The following TENM2 variants were observed in gnomAD, a reference collection of about 807,000 sequenced individuals.
The protein encoded by TENM2 is teneurin transmembrane protein 2, also known as teneurin-2.
Under a neutral mutation model 245.2 loss-of-function variants are expected in TENM2, and 52 were observed. The ratio of observed to expected loss-of-function variants is 0.21; its 90% CI spans 0.17 to 0.27. The LOEUF (loss-of-function observed/expected upper bound fraction) is 0.27, where lower values mean the gene tolerates loss of function less well. TENM2 is among the 10% of genes least tolerant of loss of function. The pLI, the probability that TENM2 is intolerant of heterozygous loss-of-function variation, is 1.00. For synonymous variants in TENM2, 1,363 were observed against 1,438.9 expected (o/e 0.95, Z 1.19); for missense variants, 3,046 against 3,666.8 (o/e 0.83, Z 4.37).
At chr5:167,499,598 A>C (rs193299892) in intron 2 of TENM2, among the ~76,000 whole-genome samples, 1 of 152,316 alleles carries the variant, frequency 6.6e-6, no homozygotes, top group Admixed American at 6.5e-5. Flanking sequence ...GGGCATGTTT[A>C]AAATTCCCAT....
At chr5:167,838,198 T>C (rs1769180822) in intron 2 of TENM2, among the ~76,000 whole-genome samples, 1 of 152,216 alleles carries the variant, frequency 6.6e-6, no homozygotes, top group African/African-American at 2.4e-5. Flanking sequence ...TGGTCGGCAG[T>C]GAATATCTGA....
chr5:167,145,631 GTTA>G, the TENM2 span, among the ~76,000 whole-genome samples: 1 of 152,264 alleles, frequency 6.6e-6, no homozygotes, highest in East Asian at 1.9e-4. Flanking sequence ...TATTATTAAT[GTTA>G]TTATGAACTG....
intron 2 of TENM2, among the ~76,000 whole-genome samples, chr5:167,769,981 T>G (rs918181981): frequency 2.6e-5 from 4 of 152,036 alleles, no homozygotes; most frequent in Non-Finnish European, 5.9e-5. Context: ...AATGTTCACA[T>G]GGGAAATTCA....
intron 2 of TENM2, among the ~76,000 whole-genome samples, chr5:167,465,514 A>T (rs1766585001): frequency 6.6e-6 from 1 of 152,226 alleles, no homozygotes; most frequent in South Asian, 2.1e-4. Context: ...CTGATTTGAC[A>T]GATGAAGCTC....
At chr5:167,171,725 G>A in the TENM2 span, among the ~76,000 whole-genome samples, 2 of 152,184 alleles carry the variant, frequency 1.3e-5, no homozygotes, top group African/African-American at 2.4e-5. Flanking sequence ...GAGACAGAGA[G>A]GGAGAGGAAG....
chr5:167,124,092 T>C, the TENM2 span, among the ~76,000 whole-genome samples: 1 of 152,228 alleles, frequency 6.6e-6, no homozygotes, highest in Non-Finnish European at 1.5e-5. Flanking sequence ...GTCATTGCGT[T>C]CAAGTGAGGT....
chr5:168,015,327 T>A (rs1785563554), intron 5 of TENM2, among the ~76,000 whole-genome samples: 1 of 152,178 alleles, frequency 6.6e-6, no homozygotes. Flanking sequence ...CATTTTACAA[T>A]GGCAGAAACA....
chr5:167,202,646 C>T, the TENM2 span, among the ~76,000 whole-genome samples: 1 of 152,182 alleles, frequency 6.6e-6, no homozygotes, highest in South Asian at 2.1e-4. Flanking sequence ...GCTAATGACT[C>T]CATCATCCTC....
At chr5:167,001,561 A>G in the TENM2 span, among the ~76,000 whole-genome samples, 2 of 152,086 alleles carry the variant, frequency 1.3e-5, no homozygotes, top group Admixed American at 6.6e-5. Context: ...AAAAAACATT[A>G]ACAGTAATAG....
the TENM2 span, among the ~76,000 whole-genome samples, chr5:167,210,176 G>A: frequency 6.6e-6 from 1 of 152,096 alleles, no homozygotes; most frequent in South Asian, 2.1e-4. Flanking sequence ...GGAAACCAAG[G>A]TGTAAAGAGG....
At chr5:167,926,016 G>A (rs183089140) in intron 3 of TENM2, among the ~76,000 whole-genome samples, 27 of 152,282 alleles carry the variant, frequency 1.8e-4, no homozygotes, top group Non-Finnish European at 3.5e-4. Context: ...TGGGCTTAAC[G>A]CCTGGGTGAT....
intron 2 of TENM2, among the ~76,000 whole-genome samples, chr5:167,647,251 G>C (rs1245810125): frequency 6.6e-6 from 1 of 152,132 alleles, no homozygotes; most frequent in African/African-American, 2.4e-5. Flanking sequence ...ATCCACGGTG[G>C]GGTTAAAGAT....
At chr5:167,445,246 AGC>A (rs1765090588) in intron 2 of TENM2, among the ~76,000 whole-genome samples, 1 of 150,930 alleles carries the variant, frequency 6.6e-6, no homozygotes, top group Non-Finnish European at 1.5e-5. Flanking sequence ...GATAAGTGTA[AGC>A]CAATCATGTT....
chr5:167,087,284 C>T, the TENM2 span, among the ~76,000 whole-genome samples: 3 of 152,178 alleles, frequency 2.0e-5, no homozygotes, highest in Non-Finnish European at 2.9e-5. Context: ...GCCTTTCCTT[C>T]TGTGCCATTT....
At chr5:167,251,187 G>T in the TENM2 span, among the ~76,000 whole-genome samples, 1 of 152,098 alleles carries the variant, frequency 6.6e-6, no homozygotes, top group Non-Finnish European at 1.5e-5. Flanking sequence ...TGATTCCAAG[G>T]TCCAGCTTTG....
intron 3 of TENM2, among the ~76,000 whole-genome samples, chr5:167,921,427 A>C (rs985011054): frequency 6.6e-6 from 1 of 152,220 alleles, no homozygotes; most frequent in African/African-American, 2.4e-5. Context: ...ATTACAAATG[A>C]AAGTATTTGT....
At chr5:168,229,837 A>C (rs146601502) in intron 25 of TENM2, 5 of 152,352 alleles carry the variant, frequency 3.3e-5, no homozygotes, top group Non-Finnish European at 4.4e-5. Flanking sequence ...TGGTATCTGC[A>C]AAGTTGCAAA....
intron 2 of TENM2, among the ~76,000 whole-genome samples, chr5:167,427,485 AAGCAAGGGG>A (rs1763903318): frequency 2.0e-5 from 3 of 148,740 alleles, no homozygotes; most frequent in African/African-American, 2.5e-5. Flanking sequence ...GAAGGAAGGG[AAGCAAGGGG>A]AGGAAGAGAA....
chr5:167,146,458 G>A, the TENM2 span, among the ~76,000 whole-genome samples: 1 of 152,114 alleles, frequency 6.6e-6, no homozygotes, highest in Admixed American at 6.6e-5. Context: ...GTTCTTAACG[G>A]TTAAGAAACA....
Sources: allele counts gnomAD v4.1 joint callset (sites outside exome capture counted in the v4.1 genomes callset), GRCh38; gene constraint gnomAD v4.1.1; transcripts MANE v1.5; gene names NCBI Gene and HGNC (gene_info 2026-07-23, HGNC 2026-07-21).